Variants in SLC16A7 observed in about 807,000 individuals in gnomAD.
SLC16A7 encodes the protein solute carrier family 16 member 7.
In SLC16A7, 33 loss-of-function variants were observed where a neutral mutation model predicts 34.9. The observed-to-expected ratio is 0.94, with a 90% CI of 0.72 to 1.26. The LOEUF is 1.26. Ranked by LOEUF, SLC16A7 falls within the 50% of genes most tolerant of loss-of-function variation. SLC16A7 has a pLI of 0.00. For synonymous variants in SLC16A7, 201 were observed against 206.6 expected, an observed-to-expected ratio of 0.97 and a Z score of 0.23; for missense variants, 573 against 578.1, an observed-to-expected ratio of 0.99 and a Z score of 0.09.
chr12:59,635,935 C>G lies in SLC16A7; in HGVS notation c.-129-19217C>G, dbSNP rs190576140. Among the ~76,000 whole-genome samples the G allele has an allele frequency of 3.2e-3, 472 of 149,172 alleles. 4 individuals carry two copies. Among genetic ancestry groups the G allele is most frequent in the African/African-American group, 0.011 (465 of 40,564 alleles). On this transcript the variant is annotated intron_variant, in intron 1 of 5. Transcript: ENST00000547379. ...ATCTTAAGTGCATACTTAGAAGTAT[C>G]AATGTTTTAGTACATATTTAAATAT...
chr12:59,637,806 C>T (rs1398498375), intron 1 of SLC16A7, among the ~76,000 whole-genome samples: 2 of 152,090 alleles, frequency 1.3e-5, no homozygotes, highest in Non-Finnish European at 2.9e-5. Context: ...AGGGCTCTGC[C>T]TTCATAAGTG....
chr12:59,657,792 G>A lies in SLC16A7; in HGVS notation c.-31+2542G>A, dbSNP rs76789068. 0.01 allele frequency among the ~76,000 whole-genome samples: 1,546 copies of A among 152,042 alleles called. 62 individuals carry two copies. The East Asian group carries it at 0.13, about 13-fold the overall frequency. ...ATGATGTCTGTTCAAAATGTTCACA[G>A]CATAGAGGGGAAGAACCAATGATCC... On this transcript the variant is annotated intron_variant, in intron 2 of 5. Coordinates refer to ENST00000547379, the MANE Select transcript of SLC16A7 (RefSeq NM_001270623.2).
At chr12:59,650,002 A>T (rs1014804183) in intron 1 of SLC16A7, among the ~76,000 whole-genome samples, 9 of 152,102 alleles carry the variant, frequency 5.9e-5, no homozygotes, top group African/African-American at 2.2e-4. Context: ...TTTTATAGAT[A>T]TTTGTCTAAT....
At chr12:59,733,392 G>A (rs2711673) in intron 3 of SLC16A7, among the ~76,000 whole-genome samples, 6 of 152,114 alleles carry the variant, frequency 3.9e-5, no homozygotes, top group African/African-American at 1.4e-4. Context: ...AGCTCCAGGC[G>A]CTGGCAAAGG....
intron 2 of SLC16A7, among the ~76,000 whole-genome samples, chr12:59,660,161 A>C (rs1868764605): frequency 2.0e-5 from 3 of 151,358 alleles, no homozygotes; most frequent in Non-Finnish European, 2.9e-5. Flanking sequence ...TTTTTAAAAA[A>C]CTCTTTTTTT....
rs1883687919 is a variant in SLC16A7, at chr12:59,787,234, T to A, written c.*7555T>A. 1 of 152,170 alleles carries A rather than the reference T, an allele frequency of 6.6e-6. No homozygotes were observed. Among genetic ancestry groups the A allele is most frequent in the Non-Finnish European group, 1.5e-5 (1 of 68,012 alleles). 9.4% of individuals were successfully genotyped at this position (152,170 alleles called of 1,614,324 possible). On this transcript the variant is annotated 3_prime_UTR_variant, in exon 6 of 6. Transcript: ENST00000547379. ...CACAGTTCAAGTTTAAATTATTAAA[T>A]TGTATGCAAGAAATTATTGCCATAG...
chr12:59,709,451 G>A (rs12426819), intron 3 of SLC16A7, among the ~76,000 whole-genome samples: 86,297 of 151,148 alleles, frequency 0.57, 25,696 homozygotes, highest in African/African-American at 0.73. Context: ...TGGTCATAAT[G>A]TACAATATGT....
intron 2 of SLC16A7, among the ~76,000 whole-genome samples, chr12:59,676,034 C>A (rs182206124): frequency 2.2e-3 from 333 of 152,060 alleles, no homozygotes; most frequent in Non-Finnish European, 2.8e-3. Context: ...GGCAAATTGT[C>A]AAGAAATTTA....
chr12:59,789,015 A>T lies in SLC16A7; in HGVS notation c.*9336A>T, dbSNP rs1466820031. ...TAGTTTCTAATTTTCACTGCATAAC[A>T]AATTTGAAACCAAATGTTGAATTTC... On this transcript the variant is annotated 3_prime_UTR_variant, in exon 6 of 6. Transcript: ENST00000547379. The T allele has an allele frequency of 2.0e-5, 3 of 152,102 alleles. No homozygotes were observed. Among genetic ancestry groups the T allele is most frequent in the Non-Finnish European group, 4.4e-5 (3 of 67,962 alleles). The allele number at this position is 152,102 out of a possible 1,614,324, so 9.4% of individuals were successfully genotyped here. A position where few individuals can be genotyped will look rare whatever the true frequency, so the allele number is the denominator to read the frequency against.
chr12:59,657,003 G>A (rs899862867), intron 2 of SLC16A7, among the ~76,000 whole-genome samples: 3 of 151,874 alleles, frequency 2.0e-5, no homozygotes, highest in African/African-American at 7.3e-5. Context: ...TCTTTATAGG[G>A]CTGTTGTGAG....
intron 1 of SLC16A7, among the ~76,000 whole-genome samples, chr12:59,605,232 C>G (rs1000699395): frequency 1.8e-4 from 28 of 152,158 alleles, no homozygotes; most frequent in African/African-American, 6.8e-4. Flanking sequence ...GGCTTCCTTA[C>G]TATTTGAAGG....
At chr12:59,778,828 T>C (rs1883008204) in intron 5 of SLC16A7, among the ~76,000 whole-genome samples, 2 of 152,092 alleles carry the variant, frequency 1.3e-5, no homozygotes, top group African/African-American at 4.8e-5. Flanking sequence ...GTTAAGAGTC[T>C]AGATTCTACC....
chr12:59,735,751 C>G (rs953525373), intron 3 of SLC16A7, among the ~76,000 whole-genome samples: 2 of 152,104 alleles, frequency 1.3e-5, no homozygotes, highest in African/African-American at 4.8e-5. Context: ...GCAATTTCCA[C>G]TGGGGTTTTT....
intron 3 of SLC16A7, among the ~76,000 whole-genome samples, chr12:59,755,587 C>G (rs1880217081): frequency 1.3e-5 from 2 of 152,152 alleles, no homozygotes; most frequent in Non-Finnish European, 2.9e-5. Context: ...CTACAAACCA[C>G]TGCTCAATGA....
intron 2 of SLC16A7, among the ~76,000 whole-genome samples, chr12:59,663,094 C>A (rs1178697239): frequency 6.6e-5 from 10 of 151,784 alleles, no homozygotes; most frequent in African/African-American, 1.9e-4. Context: ...AAAATAAGTA[C>A]AAAATACATT....
At chr12:59,771,190 A>G in intron 3 of SLC16A7, 29 bp from the exon 4 acceptor site, 3 of 1,591,262 alleles carry the variant, frequency 1.9e-6, no homozygotes, top group Non-Finnish European at 1.7e-6. Flanking sequence ...AGAGCAACTG[A>G]GTATTTCTTT....
chr12:59,671,928 TCC>T lies in SLC16A7; in HGVS notation c.-31+16679_-31+16680del, dbSNP rs1411500378. On this transcript the variant is annotated intron_variant, in intron 2 of 5. Coordinates refer to ENST00000547379, the MANE Select transcript of SLC16A7 (RefSeq NM_001270623.2). ...ATACATATATGTATATATGTATATA[TCC>T]ATATATGTATATATGTGTATATATG... is the stretch of plus-strand genomic sequence containing the variant. Among the ~76,000 whole-genome samples, 107 of 47,782 alleles carry T rather than the reference TCC, an allele frequency of 2.2e-3. 13 individuals are homozygous for T. The highest frequency in any genetic ancestry group is 4.9e-3 in the South Asian group (7 of 1,432). 31.3% of individuals were successfully genotyped at this position (47,782 alleles called of 152,430 possible).
chr12:59,683,083 T>C (rs1870877562), intron 2 of SLC16A7, among the ~76,000 whole-genome samples: 1 of 151,964 alleles, frequency 6.6e-6, no homozygotes, highest in African/African-American at 2.4e-5. Flanking sequence ...AAAAATTGCA[T>C]ATTGACATAA....
At chr12:59,755,077 T>C (rs913450694) in intron 3 of SLC16A7, among the ~76,000 whole-genome samples, 1 of 152,204 alleles carries the variant, frequency 6.6e-6, no homozygotes, top group Admixed American at 6.5e-5. Flanking sequence ...CTAAAAACTC[T>C]CAATAAATTA....
Sources: allele counts gnomAD v4.1 joint callset (sites outside exome capture counted in the v4.1 genomes callset), GRCh38; gene constraint gnomAD v4.1.1; transcripts MANE v1.5; gene names NCBI Gene and HGNC (gene_info 2026-07-23, HGNC 2026-07-21).